NDRG3: variants seen among roughly 807,000 people sequenced by gnomAD.
NDRG3 encodes protein NDRG3.
In NDRG3, 23 loss-of-function variants were observed where a neutral mutation model predicts 57.2. The ratio of observed to expected loss-of-function variants is 0.40; its 90% confidence interval spans 0.29 to 0.57. NDRG3 has a LOEUF of 0.57. NDRG3 is among the 20% of genes least tolerant of loss of function. The pLI, the probability that NDRG3 is intolerant of heterozygous loss-of-function variation, is 0.42. For synonymous variants in NDRG3, 132 were observed against 162.6 expected (o/e 0.81, Z 1.43); for missense variants, 384 against 457.3 (o/e 0.84, Z 1.46).
chr20:36,700,569 C>T (rs182509627), intron 3 of NDRG3: 22 of 494,742 alleles, frequency 4.4e-5, no homozygotes, highest in Middle Eastern at 6.7e-4. Flanking sequence ...CAGGGAGTAA[C>T]GTGCTGTTGC....
intron 1 of NDRG3, among the ~76,000 whole-genome samples, chr20:36,741,001 A>G (rs954299391): frequency 6.6e-6 from 1 of 151,776 alleles, no homozygotes; most frequent in Non-Finnish European, 1.5e-5. Context: ...GTGGGGGGGG[A>G]ATCTTTTAGA....
chr20:36,718,383 T>C (rs919438649), intron 2 of NDRG3, among the ~76,000 whole-genome samples: 1 of 152,086 alleles, frequency 6.6e-6, no homozygotes, highest in African/African-American at 2.4e-5. Context: ...TAAGGTGGAA[T>C]GTGGGAAGTG....
intron 1 of NDRG3, among the ~76,000 whole-genome samples, chr20:36,742,440 C>T (rs1985967641): frequency 6.6e-6 from 1 of 152,156 alleles, no homozygotes; most frequent in African/African-American, 2.4e-5. Context: ...CAAGGTGCCC[C>T]CCGCCACCTT....
intron 9 of NDRG3, 109 bp from the exon 10 acceptor site, chr20:36,666,501 G>C (rs1035953586): frequency 5.3e-6 from 4 of 757,250 alleles, no homozygotes; most frequent in Non-Finnish European, 9.3e-6. Flanking sequence ...GCTCATGATG[G>C]GAACTGGGGC....
At chr20:36,677,264 G>T (rs1980826998) in intron 8 of NDRG3, among the ~76,000 whole-genome samples, 2 of 152,186 alleles carry the variant, frequency 1.3e-5, no homozygotes, top group Admixed American at 1.3e-4. Context: ...CCGGGGCCAT[G>T]AATGGAGCGG....
In NDRG3 at chr20:36,722,121, ACT is replaced by A. The variant is rs1398799542; in HGVS notation, c.-48-340_-48-339del. On this transcript the variant is annotated intron_variant, in intron 1 of 15. Transcript: ENST00000349004. ...TTTCACATCTGTCTTGCTGAGGGAC[ACT>A]CTCCCCTGCTAGGTCTGAAGAGGCA... 5.9e-5 allele frequency among the ~76,000 whole-genome samples: 9 copies of A among 152,072 alleles called. No homozygotes were observed. The East Asian group carries it at 1.7e-3, about 29-fold the overall frequency.
intron 1 of NDRG3, among the ~76,000 whole-genome samples, chr20:36,730,103 C>T (rs983168451): frequency 6.6e-6 from 1 of 151,388 alleles, no homozygotes; most frequent in East Asian, 2.0e-4. Flanking sequence ...AAAAATTAGC[C>T]GGGCATGATA....
intron 3 of NDRG3, among the ~76,000 whole-genome samples, chr20:36,703,023 T>A (rs944653145): frequency 1.3e-5 from 2 of 152,076 alleles, no homozygotes; most frequent in African/African-American, 4.8e-5. Context: ...TTTCACCATG[T>A]TGGCCAGGCT....
chr20:36,666,870 T>TCA (rs565474672), intron 9 of NDRG3, among the ~76,000 whole-genome samples: 3 of 152,200 alleles, frequency 2.0e-5, no homozygotes, highest in Non-Finnish European at 4.4e-5. Context: ...GGAGTCTTGT[T>TCA]CAGTCACCCA....
intron 3 of NDRG3, among the ~76,000 whole-genome samples, chr20:36,689,707 G>GA (rs1488692741): frequency 7.1e-6 from 1 of 140,834 alleles, no homozygotes; most frequent in East Asian, 2.0e-4. Context: ...CTTTCCCTTG[G>GA]AACTAAGAGA....
At chr20:36,743,849 C>G (rs1986045296) in intron 1 of NDRG3, among the ~76,000 whole-genome samples, 1 of 145,562 alleles carries the variant, frequency 6.9e-6, no homozygotes, top group African/African-American at 2.5e-5. Flanking sequence ...AAAAAACAAA[C>G]AAAAAACAAA....
intron 2 of NDRG3, among the ~76,000 whole-genome samples, chr20:36,711,295 T>TAATAAATA (rs371914338): frequency 2.7e-5 from 4 of 150,226 alleles, no homozygotes; most frequent in South Asian, 2.1e-4. Context: ...AAAATAATAA[T>TAATAAATA]AATAAATAAA....
At chr20:36,664,905 T>A in intron 12 of NDRG3, 141 bp downstream of exon 12, 1 of 825,916 alleles carries the variant, frequency 1.2e-6, no homozygotes, top group Non-Finnish European at 2.1e-6. Context: ...CCCAGGCTGG[T>A]CTCAAACTCC....
chr20:36,712,654 G>A (rs1293646135), intron 2 of NDRG3, among the ~76,000 whole-genome samples: 5 of 131,842 alleles, frequency 3.8e-5, no homozygotes, highest in Admixed American at 1.7e-4. Flanking sequence ...GGAGTGCAGC[G>A]GCATAATCTC....
intron 13 of NDRG3, 110 bp from the exon 14 acceptor site, chr20:36,656,642 T>A: frequency 8.2e-7 from 1 of 1,212,856 alleles, no homozygotes; most frequent in South Asian, 1.3e-5. Flanking sequence ...GTTTTAATGT[T>A]TAACTGCAAG....
chr20:36,726,649 T>C (rs185578789), intron 1 of NDRG3, among the ~76,000 whole-genome samples: 1 of 152,298 alleles, frequency 6.6e-6, no homozygotes, highest in African/African-American at 2.4e-5. Flanking sequence ...CCCATACAGG[T>C]ACTAAAAGCT....
intron 3 of NDRG3, among the ~76,000 whole-genome samples, chr20:36,691,273 T>C (rs1277399999): frequency 1.3e-5 from 2 of 152,218 alleles, no homozygotes; most frequent in African/African-American, 2.4e-5. Context: ...CTGGAGCCGA[T>C]AGCCATCCCT....
At chr20:36,728,927 G>T (rs899219328) in intron 1 of NDRG3, among the ~76,000 whole-genome samples, 2 of 151,916 alleles carry the variant, frequency 1.3e-5, no homozygotes, top group African/African-American at 2.4e-5. Flanking sequence ...TCACCATGTT[G>T]GCCAGGCTGG....
At chr20:36,702,232 G>A (rs543092873) in intron 3 of NDRG3, among the ~76,000 whole-genome samples, 4 of 151,992 alleles carry the variant, frequency 2.6e-5, no homozygotes, top group East Asian at 1.9e-4. Context: ...CGCCTCCTGG[G>A]TTCACGCCAT....
Sources: allele counts gnomAD v4.1 joint callset (sites outside exome capture counted in the v4.1 genomes callset), GRCh38; gene constraint gnomAD v4.1.1; transcripts MANE v1.5; gene names NCBI Gene and HGNC (gene_info 2026-07-23, HGNC 2026-07-21).